Variants in HDAC9 observed in about 807,000 individuals in gnomAD.
HDAC9 encodes MEF-2 interacting transcription repressor (MITR) protein.
A neutral mutation model predicts 139.4 loss-of-function variants in HDAC9; 41 were observed. That is an observed-to-expected ratio of 0.29 (90% CI 0.23 to 0.38). HDAC9 has a LOEUF of 0.38. Among genes scored for constraint, HDAC9 ranks in the 10% least tolerant of loss-of-function variants. The pLI, the probability that HDAC9 is intolerant of heterozygous loss-of-function variation, is 1.00. For synonymous variants in HDAC9, 517 were observed against 476.2 expected, an observed-to-expected ratio of 1.09 and a Z score of -1.12; for missense variants, 1,147 against 1,297.0, an observed-to-expected ratio of 0.88 and a Z score of 1.78.
chr7:18,480,554 T>C (rs1795471826), intron 1 of HDAC9, among the ~76,000 whole-genome samples: 1 of 152,120 alleles, frequency 6.6e-6, no homozygotes, highest in Admixed American at 6.5e-5. Flanking sequence ...ACCTGGGGGA[T>C]AGAGCTGCAG....
intron 10 of HDAC9, 52 bp downstream of exon 10, chr7:18,648,050 G>T (rs1311704558): frequency 7.3e-7 from 1 of 1,368,314 alleles, no homozygotes; most frequent in Non-Finnish European, 1.0e-6. Flanking sequence ...TATTTTATTA[G>T]TGATCCAGGA....
chr7:18,442,246 C>T (rs1451758536), intron 1 of HDAC9, among the ~76,000 whole-genome samples: 1 of 152,154 alleles, frequency 6.6e-6, no homozygotes, highest in Non-Finnish European at 1.5e-5. Context: ...CAACATTGAG[C>T]ATTTTCTACC....
chr7:18,506,699 A>G (rs543396745), intron 2 of HDAC9, among the ~76,000 whole-genome samples: 1 of 152,300 alleles, frequency 6.6e-6, no homozygotes, highest in African/African-American at 2.4e-5. Context: ...ATCATGAATG[A>G]CTTTTAATAA....
At chr7:18,234,819 G>C (rs1438459369) in intron 2 of HDAC9, among the ~76,000 whole-genome samples, 2 of 152,224 alleles carry the variant, frequency 1.3e-5, no homozygotes, top group Non-Finnish European at 2.9e-5. Context: ...TCTGTTGCAG[G>C]ACAGTGATGG....
intron 22 of HDAC9, among the ~76,000 whole-genome samples, chr7:18,917,956 G>A (rs1413652540): frequency 6.6e-6 from 1 of 152,006 alleles, no homozygotes; most frequent in Non-Finnish European, 1.5e-5. Flanking sequence ...GGTAGTTTGA[G>A]ATAGTGTGTC....
intron 22 of HDAC9, among the ~76,000 whole-genome samples, chr7:18,876,210 A>G (rs756354042): frequency 5.3e-5 from 8 of 152,172 alleles, no homozygotes; most frequent in Non-Finnish European, 8.8e-5. Flanking sequence ...GTAGAGTATA[A>G]TAGCATCTTC....
intron 2 of HDAC9, among the ~76,000 whole-genome samples, chr7:18,216,446 A>G (rs888605822): frequency 6.6e-6 from 1 of 152,110 alleles, no homozygotes; most frequent in African/African-American, 2.4e-5. Flanking sequence ...AGGCATCTGT[A>G]CATCTGGTTT....
At chr7:18,345,420 A>G (rs1782330132) in intron 1 of HDAC9, among the ~76,000 whole-genome samples, 1 of 151,972 alleles carries the variant, frequency 6.6e-6, no homozygotes, top group Non-Finnish European at 1.5e-5. Context: ...CAAATATCTG[A>G]TTAAGAGGTT....
chr7:18,333,061 C>G (rs553677229), intron 1 of HDAC9, among the ~76,000 whole-genome samples: 3 of 151,570 alleles, frequency 2.0e-5, no homozygotes, highest in South Asian at 2.1e-4. Flanking sequence ...AAAAGATACT[C>G]TTTATACTGT....
chr7:18,284,474 C>G (rs952856246), intron 2 of HDAC9, among the ~76,000 whole-genome samples: 1 of 152,118 alleles, frequency 6.6e-6, no homozygotes. Context: ...TCATCTTCCA[C>G]CAAAGTAACT....
chr7:18,351,971 A>G (rs1177375167), intron 1 of HDAC9, among the ~76,000 whole-genome samples: 2 of 152,224 alleles, frequency 1.3e-5, no homozygotes, highest in Non-Finnish European at 2.9e-5. Context: ...TGTGTGGAAC[A>G]GAACAGAACT....
chr7:18,445,004 G>A (rs1792157151), intron 1 of HDAC9, among the ~76,000 whole-genome samples: 1 of 152,176 alleles, frequency 6.6e-6, no homozygotes, highest in Non-Finnish European at 1.5e-5. Context: ...GTACATGTGA[G>A]TTTCTCAAAT....
At chr7:18,722,275 T>C (rs1045565814) in intron 12 of HDAC9, among the ~76,000 whole-genome samples, 2 of 152,196 alleles carry the variant, frequency 1.3e-5, no homozygotes, top group African/African-American at 4.8e-5. Flanking sequence ...ATAGAGAATA[T>C]GTAAAATAAA....
At chr7:18,651,978 A>G (rs543226544) in intron 11 of HDAC9, among the ~76,000 whole-genome samples, 178 of 152,262 alleles carry the variant, frequency 1.2e-3, no homozygotes, top group Admixed American at 3.3e-3. Context: ...ATGAGTTTGA[A>G]TATTCTATTT....
chr7:18,983,182 A>G (rs1398863421), intron 25 of HDAC9, among the ~76,000 whole-genome samples: 2 of 152,232 alleles, frequency 1.3e-5, no homozygotes, highest in Non-Finnish European at 2.9e-5. Context: ...GATACTTCAT[A>G]TAATTGGAAC....
chr7:18,733,828 G>A (rs778388405), intron 13 of HDAC9, among the ~76,000 whole-genome samples: 5 of 152,058 alleles, frequency 3.3e-5, no homozygotes, highest in African/African-American at 1.2e-4. Flanking sequence ...GTGATCAAAT[G>A]TTCAAGGGGT....
chr7:18,253,267 C>T (rs765932735), intron 2 of HDAC9, among the ~76,000 whole-genome samples: 2 of 151,970 alleles, frequency 1.3e-5, no homozygotes, highest in Non-Finnish European at 2.9e-5. Flanking sequence ...GGGTATATAC[C>T]CAGTAATGGG....
chr7:18,682,186 A>T (rs958319662), intron 12 of HDAC9, among the ~76,000 whole-genome samples: 1 of 152,042 alleles, frequency 6.6e-6, no homozygotes, highest in African/African-American at 2.4e-5. Flanking sequence ...TCTTACTTAC[A>T]AACCTATGAT....
chr7:18,999,000 C>T lies in HDAC9; in HGVS notation c.*2938C>T, dbSNP rs1162969089. ...GTAACCAAAATGGACTCAAATAAAA[C>T]CAGAGGCTATGTTACCATTGCTTAG... On this transcript the variant is annotated 3_prime_UTR_variant, in exon 26 of 26. Coordinates refer to ENST00000686413, the MANE Select transcript of HDAC9 (RefSeq NM_178425.4). 6.6e-6 allele frequency: 1 copy of T among 151,978 alleles called. No homozygotes were observed. Among genetic ancestry groups the T allele is most frequent in the African/African-American group, 2.4e-5 (1 of 41,376 alleles). The allele number at this position is 151,978 out of a possible 1,614,324, so 9.4% of individuals were successfully genotyped here. A position where few individuals can be genotyped will look rare whatever the true frequency, so the allele number is the denominator to read the frequency against.
Sources: gnomAD v4.1 joint callset for allele counts (sites outside exome capture counted in the v4.1 genomes callset) on GRCh38, gnomAD v4.1.1 for gene constraint, MANE v1.5 for transcripts, NCBI Gene and HGNC (gene_info 2026-07-23, HGNC 2026-07-21) for gene names.